The following ARID2 variants were observed in gnomAD, a reference collection of about 807,000 sequenced individuals.
ARID2 encodes the protein AT-rich interaction domain 2, also known as AT-rich interactive domain-containing protein 2.
ARID2 carries 32 observed loss-of-function variants against 184.6 expected under a neutral mutation model. The observed-to-expected ratio is 0.17, with a 90% CI of 0.13 to 0.23. ARID2 has a LOEUF of 0.23. Among genes scored for constraint, ARID2 ranks in the 10% least tolerant of loss-of-function variants. The pLI is 1.00. For missense variants in ARID2, 1,696 were observed against 2,197.6 expected, an observed-to-expected ratio of 0.77 and a Z score of 4.56; for synonymous variants, 836 against 772.6, an observed-to-expected ratio of 1.08 and a Z score of -1.36.
chr12:45,849,920 A>T, intron 14 of ARID2, 116 bp from the exon 15 acceptor site: 1 of 1,438,114 alleles, frequency 7.0e-7, no homozygotes, highest in Non-Finnish European at 9.2e-7. Context: ...TATTCATATG[A>T]TTCAAAATTG....
chr12:45,901,150 CTTAATTTTTTTTTTTT>C (rs377360932), intron 20 of ARID2, among the ~76,000 whole-genome samples: 2 of 97,464 alleles, frequency 2.1e-5, no homozygotes, highest in South Asian at 3.3e-4. Context: ...TGGAAATTTC[CTTAATTTTTTTTTTTT>C]TTTTTTTTTT....
At chr12:45,730,232 G>T (rs1940954184) in intron 2 of ARID2, 95 bp downstream of exon 2, 1 of 1,215,096 alleles carries the variant, frequency 8.2e-7, no homozygotes, top group Non-Finnish European at 1.1e-6. Flanking sequence ...TGGGGGGGTG[G>T]CCCGCGGGGG....
chr12:45,750,015 C>G (rs866715443), intron 3 of ARID2, among the ~76,000 whole-genome samples: 6 of 152,182 alleles, frequency 3.9e-5, no homozygotes, highest in African/African-American at 1.4e-4. Flanking sequence ...TCAAAACTTT[C>G]CTTTTACATT....
intron 16 of ARID2, among the ~76,000 whole-genome samples, chr12:45,864,530 A>G (rs1332705782): frequency 6.6e-6 from 1 of 151,832 alleles, no homozygotes; most frequent in Non-Finnish European, 1.5e-5. Flanking sequence ...TTGAAAAAAA[A>G]AAAACAGGTT....
At chr12:45,839,884 G>GT in intron 11 of ARID2, 1 of 171,928 alleles carries the variant, frequency 5.8e-6, no homozygotes. Context: ...ATCAGGACGC[G>GT]TAAGTATAAT....
At chr12:45,799,129 C>T (rs944259023) in intron 3 of ARID2, among the ~76,000 whole-genome samples, 2 of 151,814 alleles carry the variant, frequency 1.3e-5, no homozygotes, top group Non-Finnish European at 1.5e-5. Flanking sequence ...TATTGTTTGT[C>T]TCTCCCCATG....
intron 20 of ARID2, among the ~76,000 whole-genome samples, chr12:45,901,316 G>C (rs141626386): frequency 6.6e-6 from 1 of 150,810 alleles, no homozygotes; most frequent in African/African-American, 2.4e-5. Context: ...GACTACAGGC[G>C]CCCACCACCA....
chr12:45,833,974 T>C (rs1277001309), intron 6 of ARID2, among the ~76,000 whole-genome samples: 1 of 152,220 alleles, frequency 6.6e-6, no homozygotes, highest in Non-Finnish European at 1.5e-5. Flanking sequence ...TTTGCTGTGC[T>C]CTGTTCAGTG....
intron 3 of ARID2, among the ~76,000 whole-genome samples, chr12:45,757,522 A>G (rs1358991690): frequency 6.6e-6 from 1 of 152,224 alleles, no homozygotes; most frequent in Non-Finnish European, 1.5e-5. Context: ...ACTGAGACAG[A>G]TGTGAAAGCC....
intron 20 of ARID2, among the ~76,000 whole-genome samples, chr12:45,898,995 G>A (rs531890537): frequency 3.5e-4 from 53 of 151,200 alleles, no homozygotes; most frequent in African/African-American, 1.3e-3. Flanking sequence ...AAATCAAGGC[G>A]GGGCGTGGTG....
intron 3 of ARID2, among the ~76,000 whole-genome samples, chr12:45,780,296 C>A (rs1419705608): frequency 6.6e-6 from 1 of 152,090 alleles, no homozygotes; most frequent in East Asian, 1.9e-4. Context: ...TGTTTAAAAA[C>A]TTGGGATAAA....
chr12:45,774,291 A>G (rs2408430), intron 3 of ARID2, among the ~76,000 whole-genome samples: 1 of 77,284 alleles, frequency 1.3e-5, no homozygotes, highest in Non-Finnish European at 3.1e-5. Flanking sequence ...TTTAGTGTGA[A>G]GGTCTGTTAC....
chr12:45,777,919 A>G (rs1369344978), intron 3 of ARID2, among the ~76,000 whole-genome samples: 4 of 151,806 alleles, frequency 2.6e-5, no homozygotes, highest in Admixed American at 1.3e-4. Flanking sequence ...AGAATGGTTA[A>G]AACCGGCCAG....
intron 16 of ARID2, chr12:45,881,406 C>A: frequency 6.4e-6 from 1 of 156,206 alleles, no homozygotes; most frequent in East Asian, 1.8e-4. Context: ...TCCTGCTACC[C>A]CACTCTCTTT....
At chr12:45,876,863 G>A (rs1302211631) in intron 16 of ARID2, among the ~76,000 whole-genome samples, 1 of 151,658 alleles carries the variant, frequency 6.6e-6, no homozygotes, top group Non-Finnish European at 1.5e-5. Flanking sequence ...GCTGAGGTGG[G>A]CGGATCACAA....
At chr12:45,766,271 G>A (rs192710542) in intron 3 of ARID2, among the ~76,000 whole-genome samples, 20 of 150,266 alleles carry the variant, frequency 1.3e-4, no homozygotes, top group African/African-American at 4.4e-4. Context: ...AGGTTCAAGC[G>A]ATTCTCCTGC....
At chr12:45,733,821 G>A (rs975739657) in intron 3 of ARID2, among the ~76,000 whole-genome samples, 2 of 152,110 alleles carry the variant, frequency 1.3e-5, no homozygotes, top group African/African-American at 4.8e-5. Context: ...TTAATGGTCT[G>A]CCAGACATTA....
At chr12:45,832,757 A>G (rs938304607) in intron 6 of ARID2, among the ~76,000 whole-genome samples, 1 of 152,228 alleles carries the variant, frequency 6.6e-6, no homozygotes, top group African/African-American at 2.4e-5. Flanking sequence ...GCAATTTAAA[A>G]AACAGTAAAA....
chr12:45,870,754 A>G (rs779340002), intron 16 of ARID2, among the ~76,000 whole-genome samples: 2 of 152,140 alleles, frequency 1.3e-5, no homozygotes, highest in African/African-American at 2.4e-5. Context: ...TAATATGCAC[A>G]TAAGTTTTCT....
Sources: gnomAD v4.1 joint callset for allele counts (sites outside exome capture counted in the v4.1 genomes callset) on GRCh38, gnomAD v4.1.1 for gene constraint, MANE v1.5 for transcripts, NCBI Gene and HGNC (gene_info 2026-07-23, HGNC 2026-07-21) for gene names.